CREB3L2: variants seen among roughly 807,000 people sequenced by gnomAD.
CREB3L2 encodes cAMP responsive element binding protein 3 like 2, also known as cyclic AMP-responsive element-binding protein 3-like protein 2.
Under a neutral mutation model 57.2 loss-of-function variants are expected in CREB3L2, and 23 were observed. The ratio of observed to expected loss-of-function variants is 0.40; its 90% CI spans 0.29 to 0.57. The LOEUF (loss-of-function observed/expected upper bound fraction) is 0.57. Among genes scored for constraint, CREB3L2 ranks in the 20% least tolerant of loss-of-function variants. CREB3L2 has a pLI of 0.42. For missense variants in CREB3L2, 628 were observed against 634.7 expected, an observed-to-expected ratio of 0.99 and a Z score of 0.11; for synonymous variants, 268 against 265.1, an observed-to-expected ratio of 1.01 and a Z score of -0.11.
In CREB3L2 at chr7:137,880,556, GA is replaced by G; in HGVS notation, c.1488-6del. ...CCCTCCAGTTTGGCGCTGACCCTGT[GA>G]AGGCATTAAAAGGAAAACGAAGTAT... On this transcript the variant is annotated splice_region_variant and splice_polypyrimidine_tract_variant and intron_variant, in intron 11 of 11. Coordinates refer to ENST00000330387, the MANE Select transcript of CREB3L2 (RefSeq NM_194071.4). The surrounding 1 kb of genome is among the most constrained non-coding windows in gnomAD (Gnocchi z 4.0). 1 of 1,611,600 alleles carries G rather than the reference GA, an allele frequency of 6.2e-7. No individual in the cohort carries two copies. The highest frequency in any genetic ancestry group is 8.5e-7 in the Non-Finnish European group (1 of 1,177,866).
Position 138,001,388 on chromosome 7 carries a change from A to T in CREB3L2, c.102+216T>A, listed in dbSNP as rs1802072737. On this transcript the variant is annotated intron_variant, in intron 1 of 11. Coordinates refer to ENST00000330387, the MANE Select transcript of CREB3L2 (RefSeq NM_194071.4). This position sits in a 1 kb window ranked among gnomAD's most constrained non-coding sequence, Gnocchi z 4.2. ...GAAAAAAGCATGAATTGTTAAAGGA[A>T]TACAAAGTGGCATTACTCTCATGAG... 6.6e-6 allele frequency among the ~76,000 whole-genome samples: 1 copy of T among 152,234 alleles called. No homozygotes were observed. The highest frequency in any genetic ancestry group is 2.4e-5 in the African/African-American group (1 of 41,466).
In CREB3L2 at chr7:137,946,808, ATATAGTTATC is replaced by A. The variant is rs1554501008; in HGVS notation, c.103-18452_103-18443del. Among the ~76,000 whole-genome samples, 91 of 70,116 alleles carry A rather than the reference ATATAGTTATC, an allele frequency of 1.3e-3. 14 individuals carry two copies. The highest frequency in any genetic ancestry group is 5.4e-3 in the African/African-American group (87 of 16,248). 46.0% of individuals were successfully genotyped at this position (70,116 alleles called of 152,430 possible). A position where few individuals can be genotyped will look rare whatever the true frequency, so the allele number is the denominator to read the frequency against. On this transcript the variant is annotated intron_variant, in intron 1 of 11. Transcript: ENST00000330387. The stretch of plus-strand genomic sequence containing the variant: ...TATCTATATAGTTATATATAGTTAT[ATATAGTTATC>A]TATATAGTTATCTATATATAGTTAT...
chr7:137,960,993 C>T lies in CREB3L2; in HGVS notation c.103-32627G>A, dbSNP rs371713855. 2.0e-5 allele frequency among the ~76,000 whole-genome samples: 3 copies of T among 151,028 alleles called. No individual in the cohort carries two copies. The South Asian group carries it at 6.3e-4, about 32-fold the overall frequency. On this transcript the variant is annotated intron_variant, in intron 1 of 11. Coordinates refer to ENST00000330387, the MANE Select transcript of CREB3L2 (RefSeq NM_194071.4). ...CACACCCGGCTAATTTTAGCAGAGACGGGGTTTCACTATGTTGGCCAGGCT... is the reference window on the plus strand; with the variant it reads ...CACACCCGGCTAATTTTAGCAGAGATGGGGTTTCACTATGTTGGCCAGGCT...
rs115349409 is a variant in CREB3L2 at position 137,998,857 on chromosome 7, G to A, written c.102+2747C>T. 2.8e-3 allele frequency among the ~76,000 whole-genome samples: 424 copies of A among 152,270 alleles called. 2 individuals carry two copies. Among genetic ancestry groups the A allele is most frequent in the African/African-American group, 9.4e-3 (390 of 41,556 alleles). On this transcript the variant is annotated intron_variant, in intron 1 of 11. Transcript: ENST00000330387. ...CAGCATCAAACCAAGTGTGGACCCC[G>A]TGGCACTGCATGGGTGGCAGGCCAT... is the stretch of plus-strand genomic sequence containing the variant.
intron 8 of CREB3L2, among the ~76,000 whole-genome samples, chr7:137,895,621 T>C (rs1162767730): frequency 1.9e-5 from 2 of 105,858 alleles, no homozygotes; most frequent in Non-Finnish European, 3.7e-5. Flanking sequence ...ATAGGCTAGG[T>C]GGCTGCTGCT....
chr7:137,886,949 G>A (rs917917516), intron 8 of CREB3L2, among the ~76,000 whole-genome samples: 4 of 152,114 alleles, frequency 2.6e-5, no homozygotes, highest in African/African-American at 9.7e-5. Flanking sequence ...AGTTCCCTGT[G>A]AGTGGTGTAA....
At chr7:137,964,606 C>T (rs1457482170) in intron 1 of CREB3L2, among the ~76,000 whole-genome samples, 1 of 152,180 alleles carries the variant, frequency 6.6e-6, no homozygotes, top group Non-Finnish European at 1.5e-5. Flanking sequence ...GGGGAGGGAA[C>T]AAGCATGATA....
chr7:137,916,448 G>A (rs534115316), intron 2 of CREB3L2, among the ~76,000 whole-genome samples: 1 of 152,282 alleles, frequency 6.6e-6, no homozygotes, highest in South Asian at 2.1e-4. Flanking sequence ...GGGCACAGTG[G>A]CTCACGCAAG....
intron 2 of CREB3L2, chr7:137,922,453 T>TATATATGTATATATATATATATACAC (rs1554498063): frequency 6.9e-5 from 5 of 72,580 alleles, no homozygotes; most frequent in African/African-American, 3.2e-4. Context: ...TATATATATA[T>TATATATGTATATATATATATATACAC]ACACACATAT....
intron 1 of CREB3L2, among the ~76,000 whole-genome samples, chr7:137,983,070 G>A (rs1479960172): frequency 6.6e-6 from 1 of 152,148 alleles, no homozygotes; most frequent in Admixed American, 6.5e-5. Flanking sequence ...CCCATCTGTA[G>A]CATTTTATTA....
chr7:137,994,946 T>C (rs1801961695), intron 1 of CREB3L2, among the ~76,000 whole-genome samples: 1 of 152,252 alleles, frequency 6.6e-6, no homozygotes, highest in African/African-American at 2.4e-5. Context: ...TAACTCAGAC[T>C]ATTTTACTAA....
chr7:137,970,702 T>C (rs1801491776), intron 1 of CREB3L2, among the ~76,000 whole-genome samples: 1 of 152,246 alleles, frequency 6.6e-6, no homozygotes, highest in Non-Finnish European at 1.5e-5. Flanking sequence ...GGCTTCTTCC[T>C]TCCTCACAGT....
intron 1 of CREB3L2, among the ~76,000 whole-genome samples, chr7:137,981,260 A>G (rs533491656): frequency 2.4e-4 from 37 of 152,226 alleles, no homozygotes; most frequent in Non-Finnish European, 5.0e-4. Flanking sequence ...GAGAATAGGA[A>G]GGTGGAGCAT....
chr7:137,895,639 G>A (rs1289091260), intron 8 of CREB3L2, among the ~76,000 whole-genome samples: 8 of 14,940 alleles, frequency 5.4e-4, no homozygotes, highest in African/African-American at 1.5e-3. Flanking sequence ...GCTGAGTCCA[G>A]TACAAAAAAA....
chr7:137,947,337 C>T (rs1188479141), intron 1 of CREB3L2, among the ~76,000 whole-genome samples: 1 of 152,082 alleles, frequency 6.6e-6, no homozygotes, highest in African/African-American at 2.4e-5. Context: ...CACTAACTGG[C>T]TACATCTCTG....
intron 1 of CREB3L2, among the ~76,000 whole-genome samples, chr7:137,934,607 A>C (rs1800738521): frequency 6.6e-6 from 1 of 152,194 alleles, no homozygotes; most frequent in Non-Finnish European, 1.5e-5. Context: ...CAGCCTCTAA[A>C]GCTAGATAAA....
intron 1 of CREB3L2, among the ~76,000 whole-genome samples, chr7:137,947,271 T>A (rs2117266712): frequency 6.6e-6 from 1 of 151,956 alleles, no homozygotes; most frequent in Middle Eastern, 3.4e-3. Flanking sequence ...GCTGTGGTAT[T>A]TTGTTATGGC....
chr7:137,941,635 G>A (rs188331131), intron 1 of CREB3L2, among the ~76,000 whole-genome samples: 37 of 152,300 alleles, frequency 2.4e-4, no homozygotes, highest in Admixed American at 7.8e-4. Flanking sequence ...CCCCAGCCAG[G>A]TTATTCATTC....
chr7:137,981,978 C>T (rs939069603), intron 1 of CREB3L2, among the ~76,000 whole-genome samples: 5 of 152,028 alleles, frequency 3.3e-5, no homozygotes, highest in African/African-American at 1.2e-4. Context: ...AATTAGTGCC[C>T]AGCAGCAAGA....
Sources: gnomAD v4.1 joint callset for allele counts (sites outside exome capture counted in the v4.1 genomes callset) on GRCh38, gnomAD v4.1.1 for gene constraint, Gnocchi (gnomAD v3.1) non-coding constraint, MANE v1.5 for transcripts, NCBI Gene and HGNC (gene_info 2026-07-23, HGNC 2026-07-21) for gene names.